The following WNT2 variants were observed in gnomAD, a reference collection of about 807,000 sequenced individuals.
WNT2 encodes protein Wnt-2.
In WNT2, 12 loss-of-function variants were observed where a neutral mutation model predicts 36.9. The ratio of observed to expected loss-of-function variants is 0.33; its 90% CI spans 0.21 to 0.53. WNT2 has a LOEUF of 0.53. Ranked by LOEUF, WNT2 falls within the 20% of genes least tolerant of loss-of-function variation. The pLI is 0.95. For synonymous variants in WNT2, 163 were observed against 174.6 expected (o/e 0.93, Z 0.52); for missense variants, 379 against 473.1 (o/e 0.80, Z 1.84).
At chr7:117,286,849 G>C (rs1794590621) in intron 4 of WNT2, among the ~76,000 whole-genome samples, 1 of 152,168 alleles carries the variant, frequency 6.6e-6, no homozygotes. Context: ...GCACAGGAAA[G>C]CATGTCCCAT....
At chr7:117,317,740 A>T (rs1427422198) in intron 2 of WNT2, among the ~76,000 whole-genome samples, 1 of 152,228 alleles carries the variant, frequency 6.6e-6, no homozygotes, top group Non-Finnish European at 1.5e-5. Context: ...TAATTTTTGT[A>T]TGGAGATAAA....
intron 4 of WNT2, among the ~76,000 whole-genome samples, chr7:117,293,849 A>G (rs1271881363): frequency 6.6e-6 from 1 of 152,056 alleles, no homozygotes; most frequent in African/African-American, 2.4e-5. Flanking sequence ...CTTCATTTTG[A>G]GAAGAGAGAG....
At chr7:117,290,183 G>C (rs1794661990) in intron 4 of WNT2, among the ~76,000 whole-genome samples, 1 of 152,188 alleles carries the variant, frequency 6.6e-6, no homozygotes, top group African/African-American at 2.4e-5. Flanking sequence ...AAAACCATAG[G>C]AATGGAGAGA....
chr7:117,307,339 C>G (rs1216034887), intron 3 of WNT2, among the ~76,000 whole-genome samples: 1 of 152,100 alleles, frequency 6.6e-6, no homozygotes, highest in African/African-American at 2.4e-5. Flanking sequence ...ATTATTATCC[C>G]ATTTTATAGA....
intron 3 of WNT2, among the ~76,000 whole-genome samples, chr7:117,301,634 A>G (rs1308389227): frequency 6.6e-6 from 1 of 152,176 alleles, no homozygotes; most frequent in East Asian, 1.9e-4. Flanking sequence ...CTCTGCGAGG[A>G]AAGGAAAATC....
At chr7:117,317,838 G>C (rs1169988566) in intron 2 of WNT2, among the ~76,000 whole-genome samples, 1 of 151,978 alleles carries the variant, frequency 6.6e-6, no homozygotes, top group East Asian at 1.9e-4. Context: ...TAGAAGCTAG[G>C]GTTTCTTGAA....
At chr7:117,289,628 T>G (rs1794649276) in intron 4 of WNT2, among the ~76,000 whole-genome samples, 4 of 152,190 alleles carry the variant, frequency 2.6e-5, no homozygotes, top group Non-Finnish European at 5.9e-5. Context: ...CTGTTTTATG[T>G]TTTTTTATAA....
chr7:117,310,204 T>C (rs1328647362), intron 3 of WNT2, among the ~76,000 whole-genome samples: 1 of 152,170 alleles, frequency 6.6e-6, no homozygotes, highest in Non-Finnish European at 1.5e-5. Flanking sequence ...TATTTAACTT[T>C]CTCTCCCACT....
chr7:117,297,506 C>A lies in WNT2; in HGVS notation c.853+106G>T, dbSNP rs548872833. 1.2e-5 allele frequency: 17 copies of A among 1,383,780 alleles called. No individual in the cohort carries two copies. In the African/African-American group the frequency reaches 1.6e-4, roughly 13 times the overall value. 85.7% of individuals were successfully genotyped at this position (1,383,780 alleles called of 1,614,324 possible). The stretch of plus-strand genomic sequence containing the variant: ...CAATAAGAATGATAAGGATCGTGAG[C>A]TTTGAACCTAAAGAGAGCAGGCTGA... On this transcript the variant is annotated intron_variant, in intron 4 of 4. Coordinates refer to ENST00000265441, the MANE Select transcript of WNT2 (RefSeq NM_003391.3).
At position 117,275,720 on chromosome 7, in the gene WNT2, T is replaced by A. The variant is rs1794346940; in HGVS notation, c.*2435A>T. Among the ~76,000 whole-genome samples, 1 of 152,190 alleles carries A rather than the reference T, an allele frequency of 6.6e-6. No homozygotes were observed. Among genetic ancestry groups the A allele is most frequent in the Admixed American group, 6.5e-5 (1 of 15,282 alleles). ...TTTAAAATTACCTTCATTTGTTGTG[T>A]AATTTTTTTCCCGAACAATAGACAT... On this transcript the variant is annotated 3_prime_UTR_variant, in exon 5 of 5. Coordinates refer to ENST00000265441, the MANE Select transcript of WNT2 (RefSeq NM_003391.3).
chr7:117,280,487 A>G (rs1004908901), intron 4 of WNT2, among the ~76,000 whole-genome samples: 3 of 152,200 alleles, frequency 2.0e-5, no homozygotes, highest in Non-Finnish European at 4.4e-5. Context: ...GCAGAGTTAA[A>G]TATGTAAAGA....
intron 2 of WNT2, among the ~76,000 whole-genome samples, chr7:117,317,485 C>T (rs2066883219): frequency 1.4e-5 from 2 of 147,528 alleles, no homozygotes; most frequent in African/African-American, 2.5e-5. Flanking sequence ...CATTTTACCT[C>T]CAGATGGTTT....
chr7:117,308,711 G>A (rs1289942980), intron 3 of WNT2, among the ~76,000 whole-genome samples: 1 of 152,196 alleles, frequency 6.6e-6, no homozygotes, highest in Non-Finnish European at 1.5e-5. Context: ...GGGTCAGGAT[G>A]AATAGGAGGT....
At chr7:117,309,822 A>G (rs767878364) in intron 3 of WNT2, among the ~76,000 whole-genome samples, 1 of 152,240 alleles carries the variant, frequency 6.6e-6, no homozygotes, top group Non-Finnish European at 1.5e-5. Context: ...AAATATCAAC[A>G]GTTGCCATAT....
At chr7:117,293,382 C>A (rs1215366855) in intron 4 of WNT2, among the ~76,000 whole-genome samples, 1 of 152,082 alleles carries the variant, frequency 6.6e-6, no homozygotes, top group African/African-American at 2.4e-5. Flanking sequence ...AACCTGCTCA[C>A]CACCATCGCT....
chr7:117,311,122 A>G (rs1459363827), intron 3 of WNT2, among the ~76,000 whole-genome samples: 1 of 152,244 alleles, frequency 6.6e-6, no homozygotes, highest in Non-Finnish European at 1.5e-5. Context: ...AAATTCTGCG[A>G]ATCCTCCAAA....
intron 2 of WNT2, among the ~76,000 whole-genome samples, chr7:117,319,362 G>A (rs1227667646): frequency 6.6e-6 from 1 of 152,026 alleles, no homozygotes; most frequent in Non-Finnish European, 1.5e-5. Context: ...TTAACTTTAG[G>A]GATACTCTAA....
intron 4 of WNT2, among the ~76,000 whole-genome samples, chr7:117,285,647 G>A (rs571514544): frequency 1.3e-5 from 2 of 152,140 alleles, no homozygotes; most frequent in South Asian, 2.1e-4. Context: ...TTCAATTACC[G>A]GTCCTATCAT....
intron 2 of WNT2, among the ~76,000 whole-genome samples, chr7:117,319,530 G>T (rs2239957): frequency 2.7e-5 from 4 of 146,416 alleles, no homozygotes; most frequent in African/African-American, 5.1e-5. Context: ...ATTGGGGGGG[G>T]GGGTAGGCAA....
Sources: allele counts gnomAD v4.1 joint callset (sites outside exome capture counted in the v4.1 genomes callset), GRCh38; gene constraint gnomAD v4.1.1; transcripts MANE v1.5; gene names NCBI Gene and HGNC (gene_info 2026-07-23, HGNC 2026-07-21).